The following PCDHGA9 variants were observed in gnomAD, a reference collection of about 807,000 sequenced individuals.
PCDHGA9 encodes the protein protocadherin gamma-A9.
In PCDHGA9, 37 loss-of-function variants were observed where a neutral mutation model predicts 62.5. The observed-to-expected ratio is 0.59, with a 90% confidence interval of 0.46 to 0.78. The LOEUF (loss-of-function observed/expected upper bound fraction) is 0.78. Ranked by LOEUF, PCDHGA9 falls within the 30% of genes least tolerant of loss-of-function variation. The probability of loss-of-function intolerance (pLI) is 0.00; values close to 1 mark genes in which losing one functional copy is unlikely to be tolerated. For missense variants in PCDHGA9, 1,138 were observed against 1,166.2 expected (o/e 0.98, Z 0.35); for synonymous variants, 459 against 484.6 (o/e 0.95, Z 0.69).
rs2094457403 is a variant in PCDHGA9 at position 141,403,816 on chromosome 5, A to G, written c.864A>G (p.Gln288=). The change falls in exon 1 of 4, where the codon CAA becomes CAG. Residue 288 remains glutamine, a synonymous_variant. Transcript: ENST00000573521. ...AYKFWKINEK[Q]SLLFQLNENT... is the part of the protein sequence containing the mutation. ...AATTCTGGAAAATTAATGAAAAACAATCTCTGCTATTCCAGCTTAATGAAA... is the reference window on the plus strand; with the variant it reads ...AATTCTGGAAAATTAATGAAAAACAGTCTCTGCTATTCCAGCTTAATGAAA... 4 of 1,613,874 alleles carry G rather than the reference A, an allele frequency of 2.5e-6. No homozygotes were observed. Among genetic ancestry groups the G allele is most frequent in the Non-Finnish European group, 3.4e-6 (4 of 1,179,882 alleles).
At chr5:141,410,561 G>A (rs201832666) in intron 1 of PCDHGA9, 1 of 1,612,698 alleles carries the variant, frequency 6.2e-7, no homozygotes, top group Non-Finnish European at 8.5e-7. Flanking sequence ...TTCTCCTGGA[G>A]CCTTAATTCC....
At chr5:141,443,328 A>C (rs569134076) in intron 1 of PCDHGA9, among the ~76,000 whole-genome samples, 24 of 151,794 alleles carry the variant, frequency 1.6e-4, no homozygotes, top group African/African-American at 4.8e-4. Context: ...AAAAAAAAAA[A>C]ACAAAAATTA....
At chr5:141,474,332 G>A (rs1427828070) in intron 1 of PCDHGA9, among the ~76,000 whole-genome samples, 1 of 152,168 alleles carries the variant, frequency 6.6e-6, no homozygotes, top group Non-Finnish European at 1.5e-5. Flanking sequence ...TCACCCTGAT[G>A]TTTTGTTAAA....
chr5:141,420,065 G>T, intron 1 of PCDHGA9: 1 of 1,614,018 alleles, frequency 6.2e-7, no homozygotes, highest in East Asian at 2.2e-5. Flanking sequence ...CTCCAAGTCC[G>T]GACCTGTGGG....
In PCDHGA9 at chr5:141,431,494, C is replaced by A; in HGVS notation, c.2424+26118C>A. 6.2e-7 allele frequency: 1 copy of A among 1,613,956 alleles called. No homozygotes were observed. Among genetic ancestry groups the A allele is most frequent in the Middle Eastern group, 1.6e-4 (1 of 6,062 alleles). On this transcript the variant is annotated intron_variant, in intron 1 of 3. Coordinates refer to ENST00000573521, the MANE Select transcript of PCDHGA9 (RefSeq NM_018921.3). This position sits in a 1 kb window ranked among gnomAD's most constrained non-coding sequence, Gnocchi z 4.8. Reference sequence around the variant, plus strand: ...ACAACGCACCAGCGTTTGCTCAGCCCGAGTACCGCGCGAGCGTTCCGGAGA... The same window carrying A: ...ACAACGCACCAGCGTTTGCTCAGCCAGAGTACCGCGCGAGCGTTCCGGAGA...
In PCDHGA9 at chr5:141,450,548, G is replaced by A. The variant is rs186010209; in HGVS notation, c.2425-44259G>A. 3.3e-4 allele frequency among the ~76,000 whole-genome samples: 50 copies of A among 151,716 alleles called. 1 individual carries two copies. Among genetic ancestry groups the A allele is most frequent in the African/African-American group, 9.9e-4 (41 of 41,366 alleles). On this transcript the variant is annotated intron_variant, in intron 1 of 3. Transcript: ENST00000573521. ...GTCACCCAGGCTGGAATGCAGTGGC[G>A]CAGTCTCGGCTCACTGCAACTTCTG... is the stretch of plus-strand genomic sequence containing the variant.
chr5:141,418,941 C>G, intron 1 of PCDHGA9: 1 of 1,614,034 alleles, frequency 6.2e-7, no homozygotes, highest in East Asian at 2.2e-5. Flanking sequence ...GAGGATTCCC[C>G]TCCAGGAGTG....
chr5:141,437,741 CTTT>C (rs35124340), intron 1 of PCDHGA9, among the ~76,000 whole-genome samples: 1 of 141,708 alleles, frequency 7.1e-6, no homozygotes. Context: ...TTGAGTTCAC[CTTT>C]TTTTTTTTTT....
Position 141,490,693 on chromosome 5 carries a change from G to A in PCDHGA9, c.2425-4114G>A. On this transcript the variant is annotated intron_variant, in intron 1 of 3. Coordinates refer to ENST00000573521, the MANE Select transcript of PCDHGA9 (RefSeq NM_018921.3). This position sits in a 1 kb window ranked among gnomAD's most constrained non-coding sequence, Gnocchi z 5.4. ...GGCTGCCTCAGATCCAGACACTGGGGATAATGCCCGCCTCACCTACTCCAT... is the reference window on the plus strand; with the variant it reads ...GGCTGCCTCAGATCCAGACACTGGGAATAATGCCCGCCTCACCTACTCCAT... 1.9e-6 allele frequency: 3 copies of A among 1,614,170 alleles called. No homozygotes were observed. Among genetic ancestry groups the A allele is most frequent in the Non-Finnish European group, 2.5e-6 (3 of 1,180,018 alleles).
intron 1 of PCDHGA9, among the ~76,000 whole-genome samples, chr5:141,436,531 G>T (rs1365651055): frequency 6.6e-6 from 1 of 152,152 alleles, no homozygotes; most frequent in African/African-American, 2.4e-5. Context: ...CCTTTAGCAA[G>T]TTATTTAATC....
chr5:141,422,777 C>CCCTACAAT, intron 1 of PCDHGA9: 2 of 1,613,982 alleles, frequency 1.2e-6, no homozygotes, highest in Non-Finnish European at 1.7e-6. Context: ...GTTCTCTATG[C>CCCTACAAT]CCTACAATCC....
intron 1 of PCDHGA9, chr5:141,475,926 G>C: frequency 4.8e-6 from 3 of 619,440 alleles, no homozygotes; most frequent in East Asian, 2.9e-5. Context: ...GCTGGAGATC[G>C]GGCCCCTGCC....
Position 141,431,697 on chromosome 5 carries a change from G to A in PCDHGA9, c.2424+26321G>A. The A allele has an allele frequency of 6.2e-7, 1 of 1,614,206 alleles. No homozygotes were observed. Among genetic ancestry groups the A allele is most frequent in the South Asian group, 1.1e-5 (1 of 91,084 alleles). On this transcript the variant is annotated intron_variant, in intron 1 of 3. Transcript: ENST00000573521. This position sits in a 1 kb window ranked among gnomAD's most constrained non-coding sequence, Gnocchi z 4.8. Reference sequence around the variant, plus strand: ...GGGGAGTTGGACCACGAGGAGTCAGGATTCTACCAGATGGAAGTGCAAGCA... The same window carrying A: ...GGGGAGTTGGACCACGAGGAGTCAGAATTCTACCAGATGGAAGTGCAAGCA...
rs1554175372 is a variant in PCDHGA9, at chr5:141,490,827, G to A, written c.2425-3980G>A. ...CCTTTGACTATGAATTGCTGCAGAT[G>A]CTGCAGATTGTGGTGGGGGTTCGAG... On this transcript the variant is annotated intron_variant, in intron 1 of 3. Transcript: ENST00000573521. This position sits in a 1 kb window ranked among gnomAD's most constrained non-coding sequence, Gnocchi z 5.4. 1 of 1,613,744 alleles carries A rather than the reference G, an allele frequency of 6.2e-7. No individual in the cohort carries two copies. Among genetic ancestry groups the A allele is most frequent in the Non-Finnish European group, 8.5e-7 (1 of 1,179,828 alleles).
At position 141,454,796 on chromosome 5, in the gene PCDHGA9, A is replaced by ATTTTTTTTTTTTTTTTTTTT. The variant is rs61612330; in HGVS notation, c.2425-40001_2425-39982dup. Among the ~76,000 whole-genome samples, 20 of 77,456 alleles carry ATTTTTTTTTTTTTTTTTTTT rather than the reference A, an allele frequency of 2.6e-4. 2 individuals carry two copies. Among genetic ancestry groups the ATTTTTTTTTTTTTTTTTTTT allele is most frequent in the South Asian group, 5.1e-4 (1 of 1,960 alleles). The allele number at this position is 77,456 out of a possible 152,430, so 50.8% of individuals were successfully genotyped here. On this transcript the variant is annotated intron_variant, in intron 1 of 3. Transcript: ENST00000573521. Reference sequence around the variant, plus strand: ...AAGGAAATAATCCTCCATGGTTCTAATTTTTTTTTTTTTTTTTTTTTTTTT... The same window carrying ATTTTTTTTTTTTTTTTTTTT: ...AAGGAAATAATCCTCCATGGTTCTAATTTTTTTTTTTTTTTTTTTTTTTTTTTTTTTTTTTTTTTTTTTTT...
chr5:141,490,811 A>G lies in PCDHGA9; in HGVS notation c.2425-3996A>G, dbSNP rs750702067. The G allele has an allele frequency of 1.2e-6, 2 of 1,613,918 alleles. No homozygotes were observed. The highest frequency in any genetic ancestry group is 8.5e-7 in the Non-Finnish European group (1 of 1,179,884). On this transcript the variant is annotated intron_variant, in intron 1 of 3. Coordinates refer to ENST00000573521, the MANE Select transcript of PCDHGA9 (RefSeq NM_018921.3). This position sits in a 1 kb window ranked among gnomAD's most constrained non-coding sequence, Gnocchi z 5.4. ...ATCTTTGCCCAGCGTACCTTTGACTATGAATTGCTGCAGATGCTGCAGATT... is the reference window on the plus strand; with the variant it reads ...ATCTTTGCCCAGCGTACCTTTGACTGTGAATTGCTGCAGATGCTGCAGATT...
At position 141,481,880 on chromosome 5, in the gene PCDHGA9, C is replaced by T. The variant is rs555652518; in HGVS notation, c.2425-12927C>T. Among the ~76,000 whole-genome samples, 5 of 145,406 alleles carry T rather than the reference C, an allele frequency of 3.4e-5. No individual in the cohort carries two copies. The East Asian group carries it at 1.0e-3, about 29-fold the overall frequency. On this transcript the variant is annotated intron_variant, in intron 1 of 3. Transcript: ENST00000573521. ...AGTGAGCCGAGATCGCGCCACTGCA[C>T]TCCAGCCTGGGTGAAAGAGCGAAAC...
chr5:141,404,499 C>T lies in PCDHGA9; in HGVS notation c.1547C>T (p.Ala516Val), dbSNP rs147632103. ...AACTCAGACACTGGTGTGCTGTATG[C>T]TCTGTGCTCCTTTGACTATGAGCAG... Reference protein sequence around the residue: ...SINSDTGVLYALCSFDYEQFR... With the variant: ...SINSDTGVLYVLCSFDYEQFR... The change falls in exon 1 of 4, where the codon GCT (alanine) becomes GTT (valine). Residue 516 changes from alanine to valine, a missense_variant. Coordinates refer to ENST00000573521, the MANE Select transcript of PCDHGA9 (RefSeq NM_018921.3). 1.0e-4 allele frequency: 163 copies of T among 1,613,840 alleles called. 1 individual carries two copies. The East Asian group carries it at 3.6e-3, about 36-fold the overall frequency.
In PCDHGA9 at chr5:141,448,679, G is replaced by A. The variant is rs113043083; in HGVS notation, c.2424+43303G>A. On this transcript the variant is annotated intron_variant, in intron 1 of 3. Coordinates refer to ENST00000573521, the MANE Select transcript of PCDHGA9 (RefSeq NM_018921.3). Reference sequence around the variant, plus strand: ...ATATTGGCCGGGCGCGGTGGCTCACGCCTGTAATCGCAGCACTTTGGGAGG... The same window carrying A: ...ATATTGGCCGGGCGCGGTGGCTCACACCTGTAATCGCAGCACTTTGGGAGG... Among the ~76,000 whole-genome samples the A allele has an allele frequency of 8.3e-3, 1,260 of 152,126 alleles. 17 individuals are homozygous for A. Among genetic ancestry groups the A allele is most frequent in the African/African-American group, 0.029 (1,195 of 41,496 alleles).
Sources: gnomAD v4.1 joint callset for allele counts (sites outside exome capture counted in the v4.1 genomes callset) on GRCh38, gnomAD v4.1.1 for gene constraint, Gnocchi (gnomAD v3.1) non-coding constraint, MANE v1.5 for transcripts, NCBI Gene and HGNC (gene_info 2026-07-23, HGNC 2026-07-21) for gene names.